The following METTL15 variants were observed in gnomAD, a reference collection of about 807,000 sequenced individuals.
The protein encoded by METTL15 is 12S rRNA N(4)-cytidine methyltransferase METTL15.
In METTL15, 34 loss-of-function variants were observed where a neutral mutation model predicts 38.3. The ratio of observed to expected loss-of-function variants is 0.89; its 90% CI spans 0.68 to 1.18. METTL15 has a LOEUF of 1.18. Ranked by LOEUF, METTL15 falls within the 50% of genes most tolerant of loss-of-function variation. The probability of loss-of-function intolerance (pLI) is 0.00; values close to 1 mark genes in which losing one functional copy is unlikely to be tolerated. For synonymous variants in METTL15, 162 were observed against 170.9 expected (o/e 0.95, Z 0.41); for missense variants, 438 against 498.4 (o/e 0.88, Z 1.15).
chr11:28,362,729 A>G (rs1431563322), intron 5 of METTL15, among the ~76,000 whole-genome samples: 3 of 152,196 alleles, frequency 2.0e-5, no homozygotes, highest in Non-Finnish European at 2.9e-5. Context: ...ATAGTATTCC[A>G]TGGTGTATAC....
At chr11:28,482,389 T>G (rs1851402895) in intron 6 of METTL15, among the ~76,000 whole-genome samples, 2 of 152,222 alleles carry the variant, frequency 1.3e-5, no homozygotes, top group Admixed American at 1.3e-4. Context: ...TAGGAGCCTC[T>G]GAGTCCTTGT....
chr11:28,521,009 A>G (rs1590402799), intron 6 of METTL15, among the ~76,000 whole-genome samples: 1 of 150,708 alleles, frequency 6.6e-6, no homozygotes, highest in African/African-American at 2.4e-5. Flanking sequence ...CAAAACTATC[A>G]AACTTCTTTT....
At chr11:28,279,650 C>T (rs934962007) in intron 4 of METTL15, among the ~76,000 whole-genome samples, 1 of 152,104 alleles carries the variant, frequency 6.6e-6, no homozygotes. Context: ...CCTGTAATCC[C>T]AGCACTTTGG....
At chr11:28,148,220 CAG>C (rs796120859) in intron 3 of METTL15, among the ~76,000 whole-genome samples, 6 of 151,914 alleles carry the variant, frequency 3.9e-5, no homozygotes, top group South Asian at 2.1e-4. Flanking sequence ...AGATTCTAAA[CAG>C]AGAATTAATG....
intron 5 of METTL15, among the ~76,000 whole-genome samples, chr11:28,291,565 G>T (rs117064875): frequency 0.01 from 1,526 of 152,082 alleles, 14 homozygotes; most frequent in Non-Finnish European, 0.017. Context: ...TGTTAACTTG[G>T]CTTGTGACCT....
chr11:28,390,910 A>G (rs1180193623), intron 5 of METTL15, among the ~76,000 whole-genome samples: 2 of 152,126 alleles, frequency 1.3e-5, no homozygotes. Context: ...TTCATTGAGC[A>G]GTGGTTTGTA....
intron 6 of METTL15, among the ~76,000 whole-genome samples, chr11:28,458,129 T>C (rs1233670146): frequency 6.6e-6 from 1 of 152,190 alleles, no homozygotes; most frequent in African/African-American, 2.4e-5. Flanking sequence ...TCTGATATTC[T>C]CTGGTAGCCT....
intron 6 of METTL15, among the ~76,000 whole-genome samples, chr11:28,470,136 A>T (rs146583073): frequency 4.9e-4 from 74 of 152,298 alleles, no homozygotes; most frequent in African/African-American, 1.7e-3. Flanking sequence ...TTCAAGGGAA[A>T]AACAATCTTT....
intron 6 of METTL15, among the ~76,000 whole-genome samples, chr11:28,467,690 A>G (rs76183700): frequency 0.026 from 3,960 of 152,296 alleles, 82 homozygotes; most frequent in Middle Eastern, 0.044. Flanking sequence ...GTGCCATAGT[A>G]AGGACCAGTC....
At chr11:28,164,275 T>C (rs1301189821) in intron 3 of METTL15, 1 of 152,122 alleles carries the variant, frequency 6.6e-6, no homozygotes, top group Non-Finnish European at 1.5e-5. Context: ...CATAATGTGA[T>C]CATTCTCCTG....
At chr11:28,266,747 A>T (rs1277306023) in intron 4 of METTL15, among the ~76,000 whole-genome samples, 1 of 152,190 alleles carries the variant, frequency 6.6e-6, no homozygotes, top group Non-Finnish European at 1.5e-5. Context: ...TCTCTTTCCC[A>T]GATAATTATG....
At chr11:28,413,728 G>A (rs1782808661) in intron 5 of METTL15, among the ~76,000 whole-genome samples, 1 of 152,096 alleles carries the variant, frequency 6.6e-6, no homozygotes, top group African/African-American at 2.4e-5. Context: ...AAACCTACTG[G>A]CCTAATATCA....
intron 4 of METTL15, among the ~76,000 whole-genome samples, chr11:28,236,010 G>A (rs1369051285): frequency 2.6e-5 from 4 of 152,090 alleles, no homozygotes; most frequent in Admixed American, 1.3e-4. Flanking sequence ...AGAGTTTTTA[G>A]CATGAAGGGT....
intron 4 of METTL15, among the ~76,000 whole-genome samples, chr11:28,266,109 TG>T (rs1758762206): frequency 6.6e-6 from 1 of 152,262 alleles, no homozygotes; most frequent in East Asian, 1.9e-4. Context: ...ACACTGTTGG[TG>T]GGACTGTAAA....
intron 5 of METTL15, among the ~76,000 whole-genome samples, chr11:28,423,678 AG>A (rs1057191038): frequency 4.6e-5 from 7 of 152,104 alleles, no homozygotes; most frequent in African/African-American, 1.4e-4. Context: ...GGAGATAGAG[AG>A]TAGAAGGATG....
chr11:28,217,873 A>AT (rs1852974376), intron 4 of METTL15, among the ~76,000 whole-genome samples: 1 of 152,118 alleles, frequency 6.6e-6, no homozygotes, highest in Admixed American at 6.6e-5. Context: ...AGTTGTAGAT[A>AT]TGCGGCATTT....
At chr11:28,204,032 C>G (rs1388998667) in intron 3 of METTL15, among the ~76,000 whole-genome samples, 2 of 151,940 alleles carry the variant, frequency 1.3e-5, no homozygotes, top group Non-Finnish European at 2.9e-5. Context: ...AAGAATGTTT[C>G]TAGACTCAAA....
intron 6 of METTL15, among the ~76,000 whole-genome samples, chr11:28,493,677 A>T (rs1851514737): frequency 1.3e-5 from 2 of 152,128 alleles, no homozygotes; most frequent in South Asian, 4.1e-4. Flanking sequence ...TAGATTGTGG[A>T]TTTTCTAAGG....
downstream of METTL15, among the ~76,000 whole-genome samples, chr11:28,334,011 A>G (rs1347835654): frequency 6.6e-6 from 1 of 151,906 alleles, no homozygotes; most frequent in Non-Finnish European, 1.5e-5. Flanking sequence ...TTTAAAAAAT[A>G]ATTTTACTTT....
Sources: allele counts gnomAD v4.1 joint callset (sites outside exome capture counted in the v4.1 genomes callset), GRCh38; gene constraint gnomAD v4.1.1; transcripts MANE v1.5; gene names NCBI Gene and HGNC (gene_info 2026-07-23, HGNC 2026-07-21).